ADNP: variants seen among roughly 807,000 people sequenced by gnomAD.
ADNP encodes the protein activity-dependent neuroprotector homeobox protein.
In ADNP, 4 loss-of-function variants were observed where a neutral mutation model predicts 84.9. The ratio of observed to expected loss-of-function variants is 0.05; its 90% CI spans 0.02 to 0.11. ADNP has a LOEUF of 0.11. Ranked by LOEUF, ADNP falls within the 10% of genes least tolerant of loss-of-function variation. ADNP has a pLI of 1.00. For missense variants in ADNP, 1,132 were observed against 1,326.0 expected (o/e 0.85, Z 2.27); for synonymous variants, 554 against 468.1 (o/e 1.18, Z -2.37).
chr20:50,888,934 T>C lies in ADNP; in HGVS notation c.*2471A>G, dbSNP rs932211231. The C allele has an allele frequency of 1.6e-4, 24 of 152,200 alleles. No homozygotes were observed. The highest frequency in any genetic ancestry group is 5.3e-4 in the African/African-American group (22 of 41,546). 9.4% of individuals were successfully genotyped at this position (152,200 alleles called of 1,614,324 possible). ...AAACCTCTGTAGGATACTTAGGTTT[T>C]CTCATGTTAGAAGTGTTCAGCCTAC... On this transcript the variant is annotated 3_prime_UTR_variant, in exon 6 of 6. Transcript: ENST00000621696.
intron 1 of ADNP, among the ~76,000 whole-genome samples, chr20:50,930,452 G>A (rs1339996067): frequency 3.8e-5 from 4 of 105,538 alleles, no homozygotes; most frequent in Non-Finnish European, 7.8e-5. Flanking sequence ...CCTTTTGGGG[G>A]TGGGGGGCGG....
intron 2 of ADNP, among the ~76,000 whole-genome samples, chr20:50,921,873 C>T (rs1983976368): frequency 1.3e-5 from 2 of 152,130 alleles, no homozygotes; most frequent in African/African-American, 2.4e-5. Context: ...TTATAATATA[C>T]CAATTTAGAT....
At chr20:50,929,005 G>A (rs375967448) in intron 1 of ADNP, among the ~76,000 whole-genome samples, 180 bp from the exon 2 acceptor site, 2 of 152,166 alleles carry the variant, frequency 1.3e-5, no homozygotes, top group Non-Finnish European at 2.9e-5. Flanking sequence ...ACTTGAGTTC[G>A]ACAATGAAGA....
At chr20:50,909,593 T>A (rs994335738) in intron 2 of ADNP, 1 of 152,206 alleles carries the variant, frequency 6.6e-6, no homozygotes, top group Non-Finnish European at 1.5e-5. Context: ...TAAGACATGG[T>A]TCTTCTTCCC....
At chr20:50,910,258 C>T (rs899908240) in intron 2 of ADNP, among the ~76,000 whole-genome samples, 3 of 152,184 alleles carry the variant, frequency 2.0e-5, no homozygotes, top group Admixed American at 6.5e-5. Flanking sequence ...GTTAAACACC[C>T]TAAATTCTAG....
At chr20:50,906,035 A>G (rs1982442771) in intron 2 of ADNP, among the ~76,000 whole-genome samples, 2 of 152,188 alleles carry the variant, frequency 1.3e-5, no homozygotes, top group South Asian at 4.1e-4. Flanking sequence ...ACATGGTGAA[A>G]ACCCGACTCT....
At chr20:50,922,546 A>G (rs1984024501) in intron 2 of ADNP, among the ~76,000 whole-genome samples, 1 of 146,884 alleles carries the variant, frequency 6.8e-6, no homozygotes, top group Admixed American at 6.8e-5. Flanking sequence ...GTGTTCAACT[A>G]TCTGGAAGCT....
intron 2 of ADNP, among the ~76,000 whole-genome samples, chr20:50,913,528 T>C (rs762884023): frequency 9.2e-5 from 14 of 152,284 alleles, no homozygotes; most frequent in South Asian, 2.1e-4. Flanking sequence ...AACTAAAAAA[T>C]GTTAAGTTAT....
In ADNP at chr20:50,889,785, G is replaced by A. The variant is rs1980463410; in HGVS notation, c.*1620C>T. 1 of 397,930 alleles carries A rather than the reference G, an allele frequency of 2.5e-6. No homozygotes were observed. Among genetic ancestry groups the A allele is most frequent in the Non-Finnish European group, 4.4e-6 (1 of 225,804 alleles). 24.6% of individuals were successfully genotyped at this position (397,930 alleles called of 1,614,324 possible). A position where few individuals can be genotyped will look rare whatever the true frequency, so the allele number is the denominator to read the frequency against. ...TGCTTTTTAGTACAAGTTCTCTTGGGAATCTACGCATGGTAAAAATACCAG... is the reference window on the plus strand; with the variant it reads ...TGCTTTTTAGTACAAGTTCTCTTGGAAATCTACGCATGGTAAAAATACCAG... On this transcript the variant is annotated 3_prime_UTR_variant, in exon 6 of 6. Transcript: ENST00000621696.
chr20:50,909,716 G>A (rs935704237), intron 2 of ADNP: 3 of 152,216 alleles, frequency 2.0e-5, no homozygotes, highest in South Asian at 2.1e-4. Flanking sequence ...CCTCTGCCAC[G>A]ATTGATGGAA....
At chr20:50,900,847 A>G (rs774980183) in intron 5 of ADNP, among the ~76,000 whole-genome samples, 3 of 152,244 alleles carry the variant, frequency 2.0e-5, no homozygotes, top group Non-Finnish European at 2.9e-5. Flanking sequence ...GACTGATTTG[A>G]AAAGTTGGCT....
At position 50,893,777 on chromosome 20, in the gene ADNP, T is replaced by C; in HGVS notation, c.937A>G (p.Asn313Asp). The C allele has an allele frequency of 6.2e-7, 1 of 1,614,214 alleles. No individual in the cohort carries two copies. The highest frequency in any genetic ancestry group is 1.7e-5 in the Admixed American group (1 of 60,026). Residue 313 changes from asparagine (N) to aspartate (D), a missense_variant, in exon 6 of 6, where the codon AAC becomes GAC. Around this residue, in one of 10 missense-constraint regions of ADNP, gnomAD observed 239 missense variants for 213.2 expected, o/e 1.12. Transcript: ENST00000621696. The surrounding 1 kb of genome is among the most constrained non-coding windows in gnomAD (Gnocchi z 4.4). ...ATGTTGACTCCTGTAGAATTTAAGT[T>C]AGGCTTTGGTATTGAGAGTCGATTC... Reference protein sequence around the residue: ...MVNRLSIPKPNLNSTGVNMMS... With the variant: ...MVNRLSIPKPDLNSTGVNMMS...
At position 50,891,040 on chromosome 20, in the gene ADNP, G is replaced by A. The variant is rs931522512; in HGVS notation, c.*365C>T. Reference sequence around the variant, plus strand: ...CATTAGACTGGTAGCTTGTATGTTGGCCCTACACTACCATGTGAATTAGTT... The same window carrying A: ...CATTAGACTGGTAGCTTGTATGTTGACCCTACACTACCATGTGAATTAGTT... On this transcript the variant is annotated 3_prime_UTR_variant, in exon 6 of 6. Coordinates refer to ENST00000621696, the MANE Select transcript of ADNP (RefSeq NM_001282531.3). 2.3e-5 allele frequency: 24 copies of A among 1,045,202 alleles called. No individual in the cohort carries two copies. Among genetic ancestry groups the A allele is most frequent in the African/African-American group, 1.0e-4 (6 of 58,962 alleles). 64.7% of individuals were successfully genotyped at this position (1,045,202 alleles called of 1,614,324 possible).
chr20:50,908,147 GTTT>G (rs142605027), intron 2 of ADNP, among the ~76,000 whole-genome samples: 583 of 105,920 alleles, frequency 5.5e-3, no homozygotes, highest in African/African-American at 0.016. Flanking sequence ...AGATTTTTCT[GTTT>G]TTTTTTTTTT....
At chr20:50,907,079 T>C (rs1191298785) in intron 2 of ADNP, among the ~76,000 whole-genome samples, 1 of 149,478 alleles carries the variant, frequency 6.7e-6, no homozygotes, top group Non-Finnish European at 1.5e-5. Flanking sequence ...ACCATACTCC[T>C]GCCTCAGCCT....
chr20:50,906,357 C>T (rs1262741759), intron 2 of ADNP, among the ~76,000 whole-genome samples: 1 of 152,194 alleles, frequency 6.6e-6, no homozygotes, highest in Non-Finnish European at 1.5e-5. Context: ...CCCACAGATA[C>T]CTAAGACTGG....
rs1200367498 is a variant in ADNP at position 50,891,106 on chromosome 20, GGAAA to G, written c.*295_*298del. On this transcript the variant is annotated 3_prime_UTR_variant, in exon 6 of 6. Coordinates refer to ENST00000621696, the MANE Select transcript of ADNP (RefSeq NM_001282531.3). ...ACATCTGACCAATCATTTCACAGAG[GGAAA>G]GAAATGTTGAAAAGGCAGATAAAAT... The G allele has an allele frequency of 2.2e-5, 26 of 1,168,092 alleles. No homozygotes were observed. In the Middle Eastern group the frequency reaches 1.4e-3, roughly 62 times the overall value. 72.4% of individuals were successfully genotyped at this position (1,168,092 alleles called of 1,614,324 possible). A position where few individuals can be genotyped will look rare whatever the true frequency, so the allele number is the denominator to read the frequency against.
In ADNP at chr20:50,890,796, A is replaced by G; in HGVS notation, c.*609T>C. On this transcript the variant is annotated 3_prime_UTR_variant, in exon 6 of 6. Coordinates refer to ENST00000621696, the MANE Select transcript of ADNP (RefSeq NM_001282531.3). ...GTGCAAAAACTAAGTCTGTCCAAAA[A>G]GTCCATACTAGCGCAGTTTTGAGCT... 2.1e-6 allele frequency: 1 copy of G among 480,914 alleles called. No homozygotes were observed. The highest frequency in any genetic ancestry group is 2.7e-6 in the Non-Finnish European group (1 of 368,924). 29.8% of individuals were successfully genotyped at this position (480,914 alleles called of 1,614,324 possible). A position where few individuals can be genotyped will look rare whatever the true frequency, so the allele number is the denominator to read the frequency against.
chr20:50,927,757 T>C (rs186187127), intron 2 of ADNP, among the ~76,000 whole-genome samples: 172 of 152,352 alleles, frequency 1.1e-3, no homozygotes, highest in African/African-American at 3.9e-3. Context: ...ACATGCTTTC[T>C]AAGAGCTCAC....
Sources: gnomAD v4.1 joint callset for allele counts (sites outside exome capture counted in the v4.1 genomes callset) on GRCh38, gnomAD v4.1.1 for gene constraint, gnomAD v4.1.1 regional missense constraint, Gnocchi (gnomAD v3.1) non-coding constraint, MANE v1.5 for transcripts, NCBI Gene and HGNC (gene_info 2026-07-23, HGNC 2026-07-21) for gene names.